The following COL6A6 variants were observed in gnomAD, a reference collection of about 807,000 sequenced individuals.
The protein encoded by COL6A6 is collagen type VI alpha 6 chain, also known as collagen alpha-6(VI) chain.
A neutral mutation model predicts 208.6 loss-of-function variants in COL6A6; 183 were observed. That is an observed-to-expected ratio of 0.88 (90% confidence interval 0.78 to 0.99). The LOEUF (loss-of-function observed/expected upper bound fraction) is 0.99. COL6A6 is among the 50% of genes least tolerant of loss of function. The pLI is 0.00. For synonymous variants in COL6A6, 973 were observed against 1,011.8 expected (o/e 0.96, Z 0.73); for missense variants, 2,816 against 2,815.2 (o/e 1.00, Z -0.01).
At chr3:130,654,765 AG>A (rs1284435112) in intron 33 of COL6A6, among the ~76,000 whole-genome samples, 1 of 152,204 alleles carries the variant, frequency 6.6e-6, no homozygotes, top group Admixed American at 6.5e-5. Context: ...ATTAATGCAG[AG>A]CCAGCTGAAC....
Position 130,546,938 on chromosome 3 carries a change from A to G in COL6A6, c.-31-13396A>G, listed in dbSNP as rs960878391. Among the ~76,000 whole-genome samples the G allele has an allele frequency of 5.3e-5, 8 of 152,134 alleles. No homozygotes were observed. In the East Asian group the frequency reaches 9.6e-4, roughly 18 times the overall value. ...CAGAGTGCTGATTGGTGCATCTACA[A>G]TCCTCCAGCTAGACATAAAAGTTCT... On this transcript the variant is annotated intron_variant, in intron 1 of 36. Coordinates refer to ENST00000358511, the MANE Select transcript of COL6A6 (RefSeq NM_001102608.3).
At chr3:130,594,678 T>A (rs1000519300) in intron 18 of COL6A6, among the ~76,000 whole-genome samples, 3 of 152,180 alleles carry the variant, frequency 2.0e-5, no homozygotes, top group Admixed American at 2.0e-4. Context: ...AAGAAAGCCA[T>A]GTCTTTTTTT....
Position 130,592,542 on chromosome 3 carries a change from G to C in COL6A6, c.4274G>C (p.Gly1425Ala). 1.3e-6 allele frequency: 2 copies of C among 1,598,148 alleles called. No individual in the cohort carries two copies. Residue 1425 changes from glycine to alanine, a missense_variant and splice_region_variant, in exon 14 of 37, where the codon GGA becomes GCA. Coordinates refer to ENST00000358511, the MANE Select transcript of COL6A6 (RefSeq NM_001102608.3). ...EGYLGEEGIAGERGAPGPVGE... is the reference protein window; with the variant it reads ...EGYLGEEGIAAERGAPGPVGE... ...ATTTGGATATGTGCCCTTTCTCAGG[G>C]AGAAAGAGGAGCCCCTGGACCAGTG...
In COL6A6 at chr3:130,626,603, A is replaced by G. The variant is rs150006984; in HGVS notation, c.4941+56A>G. 28 of 1,204,670 alleles carry G rather than the reference A, an allele frequency of 2.3e-5. No homozygotes were observed. The African/African-American group carries it at 4.2e-4, about 18-fold the overall frequency. The allele number at this position is 1,204,670 out of a possible 1,614,324, so 74.6% of individuals were successfully genotyped here. Reference sequence around the variant, plus strand: ...TTCTTGGAATCTTTTAGTTCAGTAGACATCTGGTGTGGTTCTCTGAAGAGA... The same window carrying G: ...TTCTTGGAATCTTTTAGTTCAGTAGGCATCTGGTGTGGTTCTCTGAAGAGA... On this transcript the variant is annotated intron_variant, in intron 25 of 36. Transcript: ENST00000358511.
At chr3:130,609,781 T>C (rs1176481258) in intron 22 of COL6A6, among the ~76,000 whole-genome samples, 1 of 152,162 alleles carries the variant, frequency 6.6e-6, no homozygotes, top group Non-Finnish European at 1.5e-5. Context: ...CTATTATATG[T>C]TGGCAGCTTT....
At chr3:130,536,782 G>A (rs1559961267) in intron 1 of COL6A6, among the ~76,000 whole-genome samples, 1 of 152,144 alleles carries the variant, frequency 6.6e-6, no homozygotes, top group Non-Finnish European at 1.5e-5. Context: ...CATGGAAAGG[G>A]GTTTTGAGTA....
At chr3:130,644,878 T>G in intron 31 of COL6A6, 113 bp from the exon 32 acceptor site, 1 of 942,310 alleles carries the variant, frequency 1.1e-6, no homozygotes, top group African/African-American at 1.6e-5. Flanking sequence ...GTTGCCTTGA[T>G]TTTTGAGTCA....
In COL6A6 at chr3:130,642,723, A is replaced by C. The variant is rs536886908; in HGVS notation, c.5155-109A>C. ...CTTTTTTGCCTCTTACAATTTAATG[A>C]GAATAAAACTTTTAAAAGTTATCAC... On this transcript the variant is annotated intron_variant, in intron 29 of 36. Transcript: ENST00000358511. 1.2e-4 allele frequency: 107 copies of C among 910,304 alleles called. No homozygotes were observed. In the East Asian group the frequency reaches 2.7e-3, roughly 23 times the overall value. The allele number at this position is 910,304 out of a possible 1,614,324, so 56.4% of individuals were successfully genotyped here. A position where few individuals can be genotyped will look rare whatever the true frequency, so the allele number is the denominator to read the frequency against.
chr3:130,564,445 A>C (rs895832271), intron 3 of COL6A6, among the ~76,000 whole-genome samples: 1 of 152,264 alleles, frequency 6.6e-6, no homozygotes, highest in South Asian at 2.1e-4. Context: ...TAGGAAACTC[A>C]CATTATCCCT....
chr3:130,559,539 A>T (rs1018144664), intron 1 of COL6A6, among the ~76,000 whole-genome samples: 2 of 152,252 alleles, frequency 1.3e-5, no homozygotes, highest in Non-Finnish European at 2.9e-5. Context: ...TAAGCAGGAC[A>T]TGGAGACACT....
chr3:130,611,448 G>A (rs1255894418), intron 23 of COL6A6, among the ~76,000 whole-genome samples: 1 of 152,174 alleles, frequency 6.6e-6, no homozygotes, highest in African/African-American at 2.4e-5. Flanking sequence ...CGTATTATTT[G>A]TTTAGCTGTT....
rs190285584 is a variant in COL6A6, at chr3:130,652,474, C to A, written c.5733+2912C>A. On this transcript the variant is annotated intron_variant, in intron 33 of 36. Transcript: ENST00000358511. Reference sequence around the variant, plus strand: ...AGAATTGCTCCCAAGTTTCATCCAACAGATGTTTAATGAGTGCCTCATCTT... The same window carrying A: ...AGAATTGCTCCCAAGTTTCATCCAAAAGATGTTTAATGAGTGCCTCATCTT... Among the ~76,000 whole-genome samples, 296 of 152,304 alleles carry A rather than the reference C, an allele frequency of 1.9e-3. 1 individual carries two copies. Among genetic ancestry groups the A allele is most frequent in the African/African-American group, 6.9e-3 (288 of 41,558 alleles).
At chr3:130,570,598 T>C (rs1424910776) in intron 6 of COL6A6, among the ~76,000 whole-genome samples, 1 of 152,192 alleles carries the variant, frequency 6.6e-6, no homozygotes, top group Admixed American at 6.5e-5. Flanking sequence ...GGGCCCCCAC[T>C]GACTCCCGCC....
chr3:130,586,485 A>G (rs1457814352), intron 10 of COL6A6, 21 bp from the exon 11 acceptor site: 2 of 1,596,120 alleles, frequency 1.3e-6, no homozygotes, highest in Non-Finnish European at 1.7e-6. Flanking sequence ...CACCTGGAAC[A>G]TTGTAAACTG....
rs1259695193 is a variant in COL6A6 at position 130,574,445 on chromosome 3, T to C, written c.3467T>C (p.Leu1156Pro). 5 of 1,613,998 alleles carry C rather than the reference T, an allele frequency of 3.1e-6. No homozygotes were observed. Among genetic ancestry groups the C allele is most frequent in the Admixed American group, 1.7e-5 (1 of 60,026 alleles). The change falls in exon 8 of 37, where the codon CTG becomes CCG. Residue 1156 changes from leucine (L) to proline (P), a missense_variant. Physicochemically the swap from Leu to Pro is moderately conservative, Grantham distance 98 (BLOSUM62 -3). Coordinates refer to ENST00000358511, the MANE Select transcript of COL6A6 (RefSeq NM_001102608.3). ...ATCACCGGGACTGCAGAGAAAAAACTGACAGTGCACAACTTCGATGAACTG... is the reference window on the plus strand; with the variant it reads ...ATCACCGGGACTGCAGAGAAAAAACCGACAGTGCACAACTTCGATGAACTG... ...IQITGTAEKKLTVHNFDELKK... is the reference protein window; with the variant it reads ...IQITGTAEKKPTVHNFDELKK...
At chr3:130,561,981 T>A (rs1040209023) in intron 2 of COL6A6, among the ~76,000 whole-genome samples, 1 of 152,214 alleles carries the variant, frequency 6.6e-6, no homozygotes, top group South Asian at 2.1e-4. Context: ...AAGAAAAAAC[T>A]AAGGCCCAAG....
intron 7 of COL6A6, among the ~76,000 whole-genome samples, chr3:130,572,887 G>A (rs1039799652): frequency 6.6e-6 from 1 of 152,160 alleles, no homozygotes. Context: ...GATCACTGGG[G>A]AATTCATGGA....
chr3:130,520,908 A>G (rs1281131106), intron 1 of COL6A6, among the ~76,000 whole-genome samples: 6 of 152,210 alleles, frequency 3.9e-5, no homozygotes, highest in African/African-American at 4.8e-5. Context: ...GAACAAGTCT[A>G]AGGAGATGTA....
chr3:130,658,677 T>C lies in COL6A6; in HGVS notation c.5735T>C (p.Ile1912Thr). 6.2e-7 allele frequency: 1 copy of C among 1,610,432 alleles called. No homozygotes were observed. ...TTCTGCTGCTTCTGCTTCTTTTAGA[T>C]TGACGACACTGGCACATTTCAAGTA... is the stretch of plus-strand genomic sequence containing the variant. Reference protein sequence around the residue: ...NVPSVRRAFAIDDTGTFQVIV... With the variant: ...NVPSVRRAFATDDTGTFQVIV... The change falls in exon 34 of 37, where the codon ATT becomes ACT. Residue 1912 changes from isoleucine (I) to threonine (T), a missense_variant and splice_region_variant. By Grantham distance (89) the Ile-to-Thr change is moderately conservative. Transcript: ENST00000358511.
Sources: gnomAD v4.1 joint callset for allele counts (sites outside exome capture counted in the v4.1 genomes callset) on GRCh38, gnomAD v4.1.1 for gene constraint, MANE v1.5 for transcripts, NCBI Gene and HGNC (gene_info 2026-07-23, HGNC 2026-07-21) for gene names.